The following CACNA1I variants were observed in gnomAD, a reference collection of about 807,000 sequenced individuals.
The protein encoded by CACNA1I is calcium voltage-gated channel subunit alpha1 I.
In CACNA1I, 74 loss-of-function variants were observed where a neutral mutation model predicts 201.6. The ratio of observed to expected loss-of-function variants is 0.37; its 90% confidence interval spans 0.30 to 0.45. The LOEUF is 0.45. CACNA1I is among the 20% of genes least tolerant of loss of function. CACNA1I has a pLI of 1.00. For missense variants in CACNA1I, 2,346 were observed against 3,138.1 expected, an observed-to-expected ratio of 0.75 and a Z score of 6.03; for synonymous variants, 1,431 against 1,345.2, an observed-to-expected ratio of 1.06 and a Z score of -1.40.
Position 39,641,197 on chromosome 22 carries a change from G to A in CACNA1I, c.1056+15G>A. ...TCATCTTCCAGGTGAGGCCATTCAGGCCTGGGGCCAGCCTGGTCCTAGAGT... is the reference window on the plus strand; with the variant it reads ...TCATCTTCCAGGTGAGGCCATTCAGACCTGGGGCCAGCCTGGTCCTAGAGT... On this transcript the variant is annotated intron_variant, in intron 6 of 36. Coordinates refer to ENST00000402142, the MANE Select transcript of CACNA1I (RefSeq NM_021096.4). 6.2e-7 allele frequency: 1 copy of A among 1,606,638 alleles called. No individual in the cohort carries two copies. Among genetic ancestry groups the A allele is most frequent in the South Asian group, 1.1e-5 (1 of 90,364 alleles).
At chr22:39,571,924 T>C (rs1033236504) in intron 1 of CACNA1I, among the ~76,000 whole-genome samples, 1 of 151,716 alleles carries the variant, frequency 6.6e-6, no homozygotes, top group African/African-American at 2.4e-5. Flanking sequence ...TGGGTGTACA[T>C]GGGCAATGCC....
rs1035611204 is a variant in CACNA1I at position 39,649,032 on chromosome 22, C to A, written c.1568-469C>A. On this transcript the variant is annotated intron_variant, in intron 9 of 36. Coordinates refer to ENST00000402142, the MANE Select transcript of CACNA1I (RefSeq NM_021096.4). This position sits in a 1 kb window ranked among gnomAD's most constrained non-coding sequence, Gnocchi z 7.3. ...ACCTCACCCCTTCCCCGCTCCCCAC[C>A]TGCTGTATAGGCAGGAGACTTGAGA... Among the ~76,000 whole-genome samples, 1 of 152,238 alleles carries A rather than the reference C, an allele frequency of 6.6e-6. No individual in the cohort carries two copies. Among genetic ancestry groups the A allele is most frequent in the African/African-American group, 2.4e-5 (1 of 41,466 alleles).
chr22:39,593,999 G>A (rs1406618078), intron 1 of CACNA1I, among the ~76,000 whole-genome samples: 6 of 152,186 alleles, frequency 3.9e-5, no homozygotes, highest in Admixed American at 1.3e-4. Context: ...GCTGGGTCAG[G>A]GTCCTGGGGA....
chr22:39,657,161 G>T (rs1316952394), intron 10 of CACNA1I, among the ~76,000 whole-genome samples: 2 of 152,232 alleles, frequency 1.3e-5, no homozygotes, highest in Non-Finnish European at 2.9e-5. Context: ...ACTGCCCCCA[G>T]TCGTGGCCTC....
chr22:39,628,186 C>T (rs1323822138), intron 4 of CACNA1I, among the ~76,000 whole-genome samples: 1 of 152,172 alleles, frequency 6.6e-6, no homozygotes, highest in South Asian at 2.1e-4. Flanking sequence ...TTAACTGACT[C>T]ATGGATCGAT....
intron 3 of CACNA1I, among the ~76,000 whole-genome samples, chr22:39,605,746 G>A (rs1206827509): frequency 6.6e-6 from 1 of 152,082 alleles, no homozygotes; most frequent in Non-Finnish European, 1.5e-5. Context: ...TCACACTGAG[G>A]GACAGACCTG....
intron 28 of CACNA1I, among the ~76,000 whole-genome samples, chr22:39,673,472 C>G (rs142987427): frequency 6.7e-4 from 102 of 152,328 alleles, no homozygotes; most frequent in African/African-American, 2.3e-3. Flanking sequence ...CTGGGACGCA[C>G]GGTCTTCAGA....
At chr22:39,645,711 G>T (rs1934468391) in intron 7 of CACNA1I, among the ~76,000 whole-genome samples, 1 of 152,198 alleles carries the variant, frequency 6.6e-6, no homozygotes, top group South Asian at 2.1e-4. Context: ...GCTCAGGCTG[G>T]CCGGCAGCCA....
At chr22:39,624,264 C>T (rs1933837968) in intron 4 of CACNA1I, among the ~76,000 whole-genome samples, 1 of 152,136 alleles carries the variant, frequency 6.6e-6, no homozygotes, top group Non-Finnish European at 1.5e-5. Flanking sequence ...GGTTCCTCTC[C>T]TGCTGTGTGG....
At chr22:39,598,327 C>T in intron 2 of CACNA1I, 65 bp downstream of exon 2, 1 of 782,746 alleles carries the variant, frequency 1.3e-6, no homozygotes, top group South Asian at 1.6e-5. Flanking sequence ...CTATGCCCCG[C>T]CCACTCCACA....
intron 1 of CACNA1I, among the ~76,000 whole-genome samples, chr22:39,573,894 G>C (rs984055285): frequency 6.6e-6 from 1 of 152,170 alleles, no homozygotes; most frequent in East Asian, 1.9e-4. Context: ...TGGGTCCAAG[G>C]GGTGGGGCAG....
chr22:39,620,762 G>GT (rs71751650), intron 4 of CACNA1I, among the ~76,000 whole-genome samples: 3 of 151,200 alleles, frequency 2.0e-5, no homozygotes, highest in Non-Finnish European at 4.4e-5. Flanking sequence ...TTGTTTGTTT[G>GT]TTTTTTTTGA....
intron 6 of CACNA1I, among the ~76,000 whole-genome samples, chr22:39,641,969 T>G (rs1934361885): frequency 1.3e-5 from 2 of 151,990 alleles, no homozygotes; most frequent in African/African-American, 2.4e-5. Flanking sequence ...TACAGAGTGC[T>G]GGGTAGAGGT....
intron 1 of CACNA1I, among the ~76,000 whole-genome samples, chr22:39,577,573 AT>A (rs1255685292): frequency 6.6e-6 from 1 of 152,230 alleles, no homozygotes; most frequent in African/African-American, 2.4e-5. Context: ...TCCACCGAGC[AT>A]TTCCTGAGTG....
intron 1 of CACNA1I, among the ~76,000 whole-genome samples, chr22:39,581,371 G>T (rs1932541606): frequency 6.6e-6 from 1 of 152,176 alleles, no homozygotes; most frequent in Non-Finnish European, 1.5e-5. Context: ...GGACATTTGG[G>T]GTCCAGATTC....
At chr22:39,596,997 G>A (rs1270969004) in intron 1 of CACNA1I, among the ~76,000 whole-genome samples, 2 of 152,176 alleles carry the variant, frequency 1.3e-5, no homozygotes, top group Non-Finnish European at 2.9e-5. Flanking sequence ...CTTACAGAAG[G>A]AGAACCTACT....
chr22:39,635,665 A>T (rs1395317511), intron 5 of CACNA1I, among the ~76,000 whole-genome samples: 1 of 150,910 alleles, frequency 6.6e-6, no homozygotes, highest in African/African-American at 2.4e-5. Flanking sequence ...AAGGGGGTCT[A>T]CACTTGTGCC....
At chr22:39,571,016 G>GGCCCT in intron 1 of CACNA1I, 28 bp downstream of exon 1, 1 of 1,573,778 alleles carries the variant, frequency 6.4e-7, no homozygotes, top group Non-Finnish European at 8.7e-7. Flanking sequence ...GGCTGATCGG[G>GGCCCT]GCCCTGCAGG....
At position 39,659,472 on chromosome 22, in the gene CACNA1I, C is replaced by T. The variant is rs775598327; in HGVS notation, c.2370C>T (p.Leu790=). ...GMHIFGCKFS[L]RTDTGDTVPD... is the part of the protein sequence containing the mutation. ...ATATTTTTGGCTGCAAGTTCAGCCT[C>T]CGCACGGACACTGGAGACACGGTGC... Residue 790 remains leucine, a synonymous_variant, in exon 13 of 37, where the codon CTC becomes CTT. Coordinates refer to ENST00000402142, the MANE Select transcript of CACNA1I (RefSeq NM_021096.4). The surrounding 1 kb of genome is among the most constrained non-coding windows in gnomAD (Gnocchi z 4.3). The T allele has an allele frequency of 5.7e-6, 9 of 1,575,390 alleles. No homozygotes were observed. The highest frequency in any genetic ancestry group is 5.6e-5 in the Admixed American group (3 of 53,802).
Sources: gnomAD v4.1 joint callset for allele counts (sites outside exome capture counted in the v4.1 genomes callset) on GRCh38, gnomAD v4.1.1 for gene constraint, Gnocchi (gnomAD v3.1) non-coding constraint, MANE v1.5 for transcripts, NCBI Gene and HGNC (gene_info 2026-07-23, HGNC 2026-07-21) for gene names.